Variants in PIN4 observed in about 807,000 individuals in gnomAD.
The protein encoded by PIN4 is peptidyl-prolyl cis-trans isomerase NIMA-interacting 4.
PIN4 carries 3 observed loss-of-function variants against 8.3 expected under a neutral mutation model. The ratio of observed to expected loss-of-function variants is 0.36; its 90% CI spans 0.16 to 0.93. PIN4 has a LOEUF of 0.93. Ranked by LOEUF, PIN4 falls within the 40% of genes least tolerant of loss-of-function variation. The pLI, the probability that PIN4 is intolerant of heterozygous loss-of-function variation, is 0.44. For synonymous variants in PIN4, 18 were observed against 32.5 expected (o/e 0.55, Z 1.52); for missense variants, 75 against 100.6 (o/e 0.75, Z 1.09).
intron 2 of PIN4, among the ~76,000 whole-genome samples, chrX:72,189,976 T>C (rs776524726): frequency 1.6e-4 from 18 of 110,735 alleles, no homozygotes; most frequent in African/African-American, 2.6e-4. Flanking sequence ...CCTGCCCTTT[T>C]GTCGCTATAA....
chrX:72,232,667 G>A (rs182114351), intron 3 of PIN4, among the ~76,000 whole-genome samples: 20 of 111,167 alleles, frequency 1.8e-4, no homozygotes, highest in African/African-American at 5.6e-4. Context: ...AAAATTAGCC[G>A]GGTGTGGTGG....
chrX:72,190,061 C>G (rs1252570788), intron 2 of PIN4, among the ~76,000 whole-genome samples: 2 of 110,965 alleles, frequency 1.8e-5, no homozygotes, highest in African/African-American at 6.6e-5. Flanking sequence ...TCCGCCAATC[C>G]TGTTCCTCTG....
intron 3 of PIN4, among the ~76,000 whole-genome samples, chrX:72,222,038 G>A (rs1048204133): frequency 9.2e-6 from 1 of 108,227 alleles, no homozygotes; most frequent in African/African-American, 3.4e-5. Flanking sequence ...GGGCCCTCCT[G>A]CCCTCAAGCC....
In PIN4 at chrX:72,198,129, C is replaced by T. The variant is rs1025700115; in HGVS notation, c.*603C>T. 14 of 745,155 alleles carry T rather than the reference C, an allele frequency of 1.9e-5. No individual in the cohort carries two copies. The highest frequency in any genetic ancestry group is 1.4e-4 in the South Asian group (2 of 14,516). The allele number at this position is 745,155 out of a possible 1,213,427, so 61.4% of individuals were successfully genotyped here. On this transcript the variant is annotated 3_prime_UTR_variant, in exon 4 of 4. Coordinates refer to ENST00000373669, the MANE Select transcript of PIN4 (RefSeq NM_006223.4). The stretch of plus-strand genomic sequence containing the variant: ...ATGAGTTGTTTTGTACTAGACTAAC[C>T]GAGTGCTGGTTAAAGGGAGGGATGT...
At chrX:72,193,076 G>C (rs896220450) in intron 2 of PIN4, among the ~76,000 whole-genome samples, 2 of 111,214 alleles carry the variant, frequency 1.8e-5, no homozygotes, top group African/African-American at 6.6e-5. Context: ...CTGTAGCTTG[G>C]CTCTCCAAGA....
chrX:72,241,186 A>G (rs183026016), intron 3 of PIN4, among the ~76,000 whole-genome samples: 1 of 111,566 alleles, frequency 9.0e-6, no homozygotes, highest in East Asian at 2.8e-4. Flanking sequence ...GGGCTGTGCT[A>G]TGGTCTGAAT....
At chrX:72,216,426 TGTG>T (rs2042887682) in intron 3 of PIN4, among the ~76,000 whole-genome samples, 1 of 112,067 alleles carries the variant, frequency 8.9e-6, no homozygotes. Flanking sequence ...TTTAAAAAAA[TGTG>T]GTAAAATACA....
intron 3 of PIN4, among the ~76,000 whole-genome samples, chrX:72,235,453 C>T (rs2984352): frequency 0.41 from 41,267 of 99,616 alleles, 8,646 homozygotes; most frequent in East Asian, 0.98. Context: ...TGGAGTGCAA[C>T]GGTGCGATCT....
At chrX:72,209,938 TGGATCATAGATC>T (rs1345290820) in intron 3 of PIN4, among the ~76,000 whole-genome samples, 1 of 110,738 alleles carries the variant, frequency 9.0e-6, no homozygotes, top group Non-Finnish European at 1.9e-5. Flanking sequence ...TAACTCAAAA[TGGATCATAGATC>T]TAAATCTAAG....
At chrX:72,191,331 A>G (rs1161762235) in intron 2 of PIN4, among the ~76,000 whole-genome samples, 1 of 110,690 alleles carries the variant, frequency 9.0e-6, no homozygotes, top group Non-Finnish European at 1.9e-5. Context: ...TGGGTGTATC[A>G]CTTGAGGTCA....
chrX:72,202,705 A>G (rs2042794748), downstream of PIN4, among the ~76,000 whole-genome samples: 1 of 111,974 alleles, frequency 8.9e-6, no homozygotes, highest in African/African-American at 3.2e-5. Flanking sequence ...TAAAATAGTA[A>G]TAATTGCTTT....
intron 2 of PIN4, among the ~76,000 whole-genome samples, chrX:72,187,640 G>A (rs1321008208): frequency 3.6e-5 from 4 of 111,328 alleles, no homozygotes; most frequent in Non-Finnish European, 7.5e-5. Flanking sequence ...CACTAAAAAA[G>A]TAAAAATAAA....
intron 3 of PIN4, among the ~76,000 whole-genome samples, chrX:72,233,179 A>G (rs1254578014): frequency 8.9e-6 from 1 of 111,814 alleles, no homozygotes; most frequent in East Asian, 2.8e-4. Flanking sequence ...GATATGACAC[A>G]ATATAGCTAC....
intron 2 of PIN4, among the ~76,000 whole-genome samples, chrX:72,189,804 G>A (rs1157432040): frequency 9.0e-6 from 1 of 111,612 alleles, no homozygotes; most frequent in African/African-American, 3.3e-5. Flanking sequence ...TGGAAGTGCT[G>A]TAGTATGTCG....
chrX:72,250,267 T>A (rs2043081613), intron 3 of PIN4, among the ~76,000 whole-genome samples: 2 of 110,191 alleles, frequency 1.8e-5, no homozygotes, highest in Admixed American at 9.8e-5. Context: ...ATGGTCAATT[T>A]TATGTTATGT....
rs1569488932 is a variant in PIN4 at position 72,197,608 on chromosome X, G to T, written c.*82G>T. On this transcript the variant is annotated 3_prime_UTR_variant, in exon 4 of 4. Transcript: ENST00000373669. Reference sequence around the variant, plus strand: ...ATATTCTTTTGAGCTGGAGCTGCAAGGAAATACAAAAATTTTTAAAAAGAA... The same window carrying T: ...ATATTCTTTTGAGCTGGAGCTGCAATGAAATACAAAAATTTTTAAAAAGAA... The T allele has an allele frequency of 9.0e-7, 1 of 1,107,815 alleles. No homozygotes were observed. Among genetic ancestry groups the T allele is most frequent in the East Asian group, 3.2e-5 (1 of 31,286 alleles). 91.3% of individuals were successfully genotyped at this position (1,107,815 alleles called of 1,213,427 possible). A position where few individuals can be genotyped will look rare whatever the true frequency, so the allele number is the denominator to read the frequency against.
At chrX:72,194,646 G>A (rs1325326312) in intron 2 of PIN4, among the ~76,000 whole-genome samples, 1 of 101,550 alleles carries the variant, frequency 9.8e-6, no homozygotes, top group Non-Finnish European at 2.0e-5. Flanking sequence ...AGGTTTCGGT[G>A]AGCCAAGATC....
chrX:72,205,522 C>G (rs766504041), intron 3 of PIN4: 1 of 1,211,609 alleles, frequency 8.3e-7, no homozygotes, highest in Admixed American at 2.2e-5. Context: ...CTTATTTACA[C>G]TACTGGGTAT....
At chrX:72,221,633 T>TG (rs1306952296) in intron 3 of PIN4, among the ~76,000 whole-genome samples, 1 of 111,598 alleles carries the variant, frequency 9.0e-6, no homozygotes, top group East Asian at 2.8e-4. Context: ...CAACATGGTC[T>TG]GGCTGCAATA....
Sources: gnomAD v4.1 joint callset for allele counts (sites outside exome capture counted in the v4.1 genomes callset) on GRCh38, gnomAD v4.1.1 for gene constraint, MANE v1.5 for transcripts, NCBI Gene and HGNC (gene_info 2026-07-23, HGNC 2026-07-21) for gene names.